Variants in COL25A1 observed in about 807,000 individuals in gnomAD.
The protein encoded by COL25A1 is collagen type XXV alpha 1 chain.
COL25A1 carries 103 observed loss-of-function variants against 128.4 expected under a neutral mutation model. The ratio of observed to expected loss-of-function variants is 0.80; its 90% CI spans 0.68 to 0.94. The LOEUF (loss-of-function observed/expected upper bound fraction) is 0.94. Among genes scored for constraint, COL25A1 ranks in the 40% least tolerant of loss-of-function variants. The pLI, the probability that COL25A1 is intolerant of heterozygous loss-of-function variation, is 0.00. For synonymous variants in COL25A1, 279 were observed against 277.2 expected, an observed-to-expected ratio of 1.01 and a Z score of -0.06; for missense variants, 745 against 840.0, an observed-to-expected ratio of 0.89 and a Z score of 1.40.
intron 31 of COL25A1, among the ~76,000 whole-genome samples, chr4:108,837,537 A>G (rs1238914745): frequency 6.6e-6 from 1 of 152,232 alleles, no homozygotes; most frequent in Non-Finnish European, 1.5e-5. Flanking sequence ...TACTTCTTTT[A>G]TACGACTCAC....
chr4:109,073,239 A>C (rs1763126615), intron 3 of COL25A1, among the ~76,000 whole-genome samples: 1 of 152,196 alleles, frequency 6.6e-6, no homozygotes, highest in Non-Finnish European at 1.5e-5. Flanking sequence ...CTCTTACCTC[A>C]GAATAAATGA....
chr4:109,071,299 A>T (rs1426739243), intron 3 of COL25A1, among the ~76,000 whole-genome samples: 2 of 152,210 alleles, frequency 1.3e-5, no homozygotes, highest in Non-Finnish European at 2.9e-5. Context: ...AATTAATTCA[A>T]GATGGATTAA....
intron 28 of COL25A1, among the ~76,000 whole-genome samples, chr4:108,845,814 T>G (rs1192966649): frequency 6.6e-6 from 1 of 152,202 alleles, no homozygotes; most frequent in Non-Finnish European, 1.5e-5. Flanking sequence ...CATTTCTTTA[T>G]TATGGTTTAT....
intron 3 of COL25A1, among the ~76,000 whole-genome samples, chr4:109,079,259 G>A (rs1407860309): frequency 6.6e-6 from 1 of 152,178 alleles, no homozygotes; most frequent in East Asian, 1.9e-4. Context: ...TGTCCAGACA[G>A]ATTTCCAGCT....
chr4:109,080,495 A>AAAT (rs1283019124), intron 3 of COL25A1, among the ~76,000 whole-genome samples: 2 of 152,172 alleles, frequency 1.3e-5, no homozygotes, highest in Non-Finnish European at 2.9e-5. Context: ...TCTACTGTAA[A>AAAT]AATTGACAAG....
chr4:109,246,127 T>C (rs1480838475), intron 3 of COL25A1, among the ~76,000 whole-genome samples: 1 of 151,376 alleles, frequency 6.6e-6, no homozygotes, highest in African/African-American at 2.4e-5. Flanking sequence ...TGAAAATAGA[T>C]ACTATCATAG....
chr4:109,122,908 G>C (rs1267300640), intron 3 of COL25A1, among the ~76,000 whole-genome samples: 2 of 152,072 alleles, frequency 1.3e-5, no homozygotes, highest in Non-Finnish European at 1.5e-5. Flanking sequence ...AATGACCGTA[G>C]AGCAGACAAG....
chr4:109,021,737 T>G (rs1393646822), intron 5 of COL25A1: 1 of 453,382 alleles, frequency 2.2e-6, no homozygotes, highest in Non-Finnish European at 4.4e-6. Context: ...TAGCAAGGAA[T>G]ATAATATTAA....
intron 3 of COL25A1, among the ~76,000 whole-genome samples, chr4:109,066,907 G>T (rs926993475): frequency 1.1e-4 from 17 of 152,202 alleles, no homozygotes; most frequent in African/African-American, 3.9e-4. Flanking sequence ...CCTGCCTCAG[G>T]CAATCCTCCC....
intron 3 of COL25A1, among the ~76,000 whole-genome samples, chr4:109,238,129 C>T (rs1779593462): frequency 6.6e-6 from 1 of 152,022 alleles, no homozygotes; most frequent in African/African-American, 2.4e-5. Context: ...CGTGGGTATA[C>T]AACTATCTCT....
chr4:109,135,174 G>A (rs1045354426), intron 3 of COL25A1, among the ~76,000 whole-genome samples: 7 of 152,066 alleles, frequency 4.6e-5, no homozygotes, highest in African/African-American at 1.4e-4. Context: ...TTGGTAGTAA[G>A]CTGGTCTTAC....
chr4:108,883,052 C>CT (rs1560800580), intron 19 of COL25A1, among the ~76,000 whole-genome samples: 1 of 151,950 alleles, frequency 6.6e-6, no homozygotes, highest in Non-Finnish European at 1.5e-5. Flanking sequence ...ATTTATTTTT[C>CT]TTTTTTAGAG....
intron 3 of COL25A1, among the ~76,000 whole-genome samples, chr4:109,192,549 G>A (rs1423486998): frequency 6.6e-6 from 1 of 152,126 alleles, no homozygotes; most frequent in Non-Finnish European, 1.5e-5. Context: ...CTGGAGTGGT[G>A]TCCTTTTAAG....
At chr4:109,037,373 G>C (rs1197536354) in intron 5 of COL25A1, among the ~76,000 whole-genome samples, 3 of 152,130 alleles carry the variant, frequency 2.0e-5, no homozygotes, top group African/African-American at 7.2e-5. Context: ...AGGTATGATG[G>C]ATCCAAAGCC....
At chr4:108,995,872 T>C (rs1304190949) in intron 6 of COL25A1, among the ~76,000 whole-genome samples, 2 of 152,008 alleles carry the variant, frequency 1.3e-5, no homozygotes, top group East Asian at 3.9e-4. Flanking sequence ...CAAAATAAGC[T>C]TCATAAGTGA....
intron 3 of COL25A1, among the ~76,000 whole-genome samples, chr4:109,173,327 A>G (rs1051904319): frequency 1.3e-5 from 2 of 152,108 alleles, no homozygotes; most frequent in Non-Finnish European, 2.9e-5. Context: ...GGCTCAAACA[A>G]TGCTCCAGCC....
At chr4:109,235,547 TACAC>T (rs58377954) in intron 3 of COL25A1, among the ~76,000 whole-genome samples, 3 of 149,928 alleles carry the variant, frequency 2.0e-5, no homozygotes, top group Admixed American at 1.3e-4. Context: ...CACACACGAA[TACAC>T]ACACACACAC....
At chr4:109,256,064 G>A (rs1781060329) in intron 3 of COL25A1, among the ~76,000 whole-genome samples, 1 of 147,966 alleles carries the variant, frequency 6.8e-6, no homozygotes, top group African/African-American at 2.6e-5. Context: ...ACTACATGTG[G>A]ATATTAACAT....
In COL25A1 at chr4:108,884,237, C is replaced by G; in HGVS notation, c.976-15G>C. On this transcript the variant is annotated splice_polypyrimidine_tract_variant and intron_variant, in intron 18 of 37. Coordinates refer to ENST00000399132, the MANE Select transcript of COL25A1 (RefSeq NM_198721.4). ...CCTGGTTCACCCTACACAGGAAAATCATATAGCATTATAGAATGATATTCA... is the reference window on the plus strand; with the variant it reads ...CCTGGTTCACCCTACACAGGAAAATGATATAGCATTATAGAATGATATTCA... The G allele has an allele frequency of 6.2e-7, 1 of 1,610,794 alleles. No homozygotes were observed. The highest frequency in any genetic ancestry group is 1.1e-5 in the South Asian group (1 of 90,990).
Sources: gnomAD v4.1 joint callset for allele counts (sites outside exome capture counted in the v4.1 genomes callset) on GRCh38, gnomAD v4.1.1 for gene constraint, MANE v1.5 for transcripts, NCBI Gene and HGNC (gene_info 2026-07-23, HGNC 2026-07-21) for gene names.